The following CIAO3 variants were observed in gnomAD, a reference collection of about 807,000 sequenced individuals.
The protein encoded by CIAO3 is LET1 like/JFP15.
Under a neutral mutation model 51.5 loss-of-function variants are expected in CIAO3, and 45 were observed. The ratio of observed to expected loss-of-function variants is 0.87; its 90% confidence interval spans 0.69 to 1.12. CIAO3 has a LOEUF of 1.12. Ranked by LOEUF, CIAO3 falls within the 50% of genes most tolerant of loss-of-function variation. CIAO3 has a pLI of 0.00. For synonymous variants in CIAO3, 314 were observed against 269.3 expected, an observed-to-expected ratio of 1.17 and a Z score of -1.63; for missense variants, 668 against 632.5, an observed-to-expected ratio of 1.06 and a Z score of -0.60.
intron 5 of CIAO3, 109 bp downstream of exon 5, chr16:734,628 G>C: frequency 6.3e-7 from 1 of 1,580,992 alleles, no homozygotes; most frequent in South Asian, 1.1e-5. Context: ...CGCAAAACCT[G>C]CTTGCGTCTC....
In CIAO3 at chr16:737,250, G is replaced by T; in HGVS notation, c.242C>A (p.Ala81Glu). ...CTGCTGGGTGATAAGCACGGTCTCT[G>T]CGGAGGTGATGCAGCCGCTGCACGC... is the stretch of plus-strand genomic sequence containing the variant. ...CLACSGCITS[A>E]ETVLITQQSH... The change falls in exon 3 of 11, where the codon GCA (alanine) becomes GAA (glutamate). Residue 81 changes from alanine (A) to glutamate (E), a missense_variant. Transcript: ENST00000251588. The surrounding 1 kb of genome is among the most constrained non-coding windows in gnomAD (Gnocchi z 5.3). The T allele has an allele frequency of 6.2e-7, 1 of 1,613,618 alleles. No individual in the cohort carries two copies. The highest frequency in any genetic ancestry group is 8.5e-7 in the Non-Finnish European group (1 of 1,180,028).
intron 4 of CIAO3, chr16:735,506 G>A (rs993247985): frequency 6.6e-6 from 1 of 152,270 alleles, no homozygotes; most frequent in African/African-American, 2.4e-5. Context: ...TCATCTCTAA[G>A]TAAAAATCTT....
At chr16:736,966 G>A (rs2041345535) in intron 3 of CIAO3, 2 of 598,500 alleles carry the variant, frequency 3.3e-6, no homozygotes, top group South Asian at 4.0e-5. Context: ...GCCCAGTAGG[G>A]GTGTCATTTT....
rs2041286049 is a variant in CIAO3 at position 731,776 on chromosome 16, T to C, written c.897-74A>G. 5 of 1,454,760 alleles carry C rather than the reference T, an allele frequency of 3.4e-6. No individual in the cohort carries two copies. The South Asian group carries it at 5.6e-5, about 16-fold the overall frequency. 90.1% of individuals were successfully genotyped at this position (1,454,760 alleles called of 1,614,324 possible). ...ACCTCCCGAGCAGGGCCTCTGTCCCTCACACATGAGCGTTTGCATTTCCAG... is the reference window on the plus strand; with the variant it reads ...ACCTCCCGAGCAGGGCCTCTGTCCCCCACACATGAGCGTTTGCATTTCCAG... On this transcript the variant is annotated intron_variant, in intron 8 of 10. Transcript: ENST00000251588.
At position 729,930 on chromosome 16, in the gene CIAO3, C is replaced by T. The variant is rs74002869; in HGVS notation, c.*487G>A. 0.053 allele frequency: 18,495 copies of T among 350,168 alleles called. 3,374 individuals carry two copies. Among genetic ancestry groups the T allele is most frequent in the African/African-American group, 0.38 (17,295 of 45,748 alleles). 21.7% of individuals were successfully genotyped at this position (350,168 alleles called of 1,614,324 possible). ...TGCTTTCCAGGGGCCTGGCACCCCC[C>T]CCTGCCAGGGTCCACACGCAGGGTT... On this transcript the variant is annotated 3_prime_UTR_variant, in exon 11 of 11. Transcript: ENST00000251588.
intron 1 of CIAO3, chr16:740,309 T>A (rs1323054051): frequency 2.8e-6 from 1 of 354,668 alleles, no homozygotes; most frequent in Non-Finnish European, 5.6e-6. Context: ...AAAGGGCGCC[T>A]GCAGCCTCCC....
At position 730,431 on chromosome 16, in the gene CIAO3, C is replaced by T; in HGVS notation, c.1417G>A (p.Gly473Ser). ...HAVEKASTGL[G>S]IRW ...TCCTGCAGCCCCTACCACCGGATGC[C>T]CAGGCCAGTGCTGGCCTTCTCCACG... Residue 473 changes from glycine (G) to serine (S), a missense_variant, in exon 11 of 11, where the codon GGC becomes AGC. Gly to Ser is a moderately conservative substitution (Grantham distance 56, BLOSUM62 0). Transcript: ENST00000251588. The T allele has an allele frequency of 1.9e-6, 3 of 1,602,896 alleles. No homozygotes were observed. The East Asian group carries it at 6.7e-5, about 36-fold the overall frequency.
chr16:729,892 T>A lies in CIAO3; in HGVS notation c.*525A>T. The A allele has an allele frequency of 2.6e-6, 1 of 387,822 alleles. No individual in the cohort carries two copies. The allele number at this position is 387,822 out of a possible 1,614,324, so 24.0% of individuals were successfully genotyped here. A position where few individuals can be genotyped will look rare whatever the true frequency, so the allele number is the denominator to read the frequency against. ...TGGCTTGCCCCGGACCACAGCCTCG[T>A]AACGGTAACCCCTGCTTTCCAGGGG... On this transcript the variant is annotated 3_prime_UTR_variant, in exon 11 of 11. Coordinates refer to ENST00000251588, the MANE Select transcript of CIAO3 (RefSeq NM_022493.3).
intron 2 of CIAO3, among the ~76,000 whole-genome samples, chr16:739,166 G>T (rs1596676179): frequency 6.6e-6 from 1 of 151,828 alleles, no homozygotes; most frequent in East Asian, 2.0e-4. Flanking sequence ...GGGCGTGGTG[G>T]TGGCCGCCTG....
chr16:732,574 GT>G (rs2151600875), intron 7 of CIAO3: 1 of 679,744 alleles, frequency 1.5e-6, no homozygotes. Context: ...GCCCAGGGAG[GT>G]GTGCCAGCGG....
rs1029577846 is a variant in CIAO3 at position 736,316 on chromosome 16, A to G, written c.389T>C (p.Leu130Pro). 6.2e-7 allele frequency: 1 copy of G among 1,612,926 alleles called. No individual in the cohort carries two copies. Among genetic ancestry groups the G allele is most frequent in the Non-Finnish European group, 8.5e-7 (1 of 1,179,822 alleles). Residue 130 changes from leucine (L) to proline (P), a missense_variant, in exon 4 of 11, where the codon CTG (leucine) becomes CCG (proline). By Grantham distance (98) the Leu-to-Pro change is moderately conservative. Coordinates refer to ENST00000251588, the MANE Select transcript of CIAO3 (RefSeq NM_022493.3). ...TTTCCTGGCAGTATCTGTAGGATTC[A>G]GCTGAAACCGTGCAGCCAGCGATGC... Reference protein sequence around the residue: ...SRASLAARFQLNPTDTARKLT... With the variant: ...SRASLAARFQPNPTDTARKLT...
In CIAO3 at chr16:740,994, C is replaced by T; in HGVS notation, c.-9G>A. On this transcript the variant is annotated 5_prime_UTR_variant, in exon 1 of 11. Coordinates refer to ENST00000251588, the MANE Select transcript of CIAO3 (RefSeq NM_022493.3). ...CTGAAGGGCGACGCCATGACGGCCG[C>T]ACTGCCGCCGCGCGCAGGTGTCGCT... 6.7e-7 allele frequency: 1 copy of T among 1,497,292 alleles called. No individual in the cohort carries two copies. Among genetic ancestry groups the T allele is most frequent in the Non-Finnish European group, 8.9e-7 (1 of 1,126,212 alleles). 92.8% of individuals were successfully genotyped at this position (1,497,292 alleles called of 1,614,324 possible). A position where few individuals can be genotyped will look rare whatever the true frequency, so the allele number is the denominator to read the frequency against.
In CIAO3 at chr16:734,273, G is replaced by T; in HGVS notation, c.649C>A (p.Gln217Lys). ...TCCTTGACCAGGGAGCCCATGACCT[G>T]CTGCGGGGACCGGGCGGTGCTGATG... ...PHISTARSPQQVMGSLVKDFF... is the reference protein window; with the variant it reads ...PHISTARSPQKVMGSLVKDFF... Residue 217 changes from glutamine to lysine, a missense_variant, in exon 6 of 11, where the codon CAG becomes AAG. Coordinates refer to ENST00000251588, the MANE Select transcript of CIAO3 (RefSeq NM_022493.3). 1 of 1,612,028 alleles carries T rather than the reference G, an allele frequency of 6.2e-7. No individual in the cohort carries two copies.
intron 7 of CIAO3, 124 bp downstream of exon 7, chr16:733,174 G>A (rs2041302971): frequency 3.1e-6 from 4 of 1,281,272 alleles, no homozygotes; most frequent in African/African-American, 3.0e-5. Context: ...GTGCACGCAT[G>A]CGAGCCCCCA....
In CIAO3 at chr16:731,680, C is replaced by A; in HGVS notation, c.919G>T (p.Glu307Ter). ...DSLCSGASAEEPTSHRGGGSG... is the reference protein window; with the variant it reads ...DSLCSGASAE The stretch of plus-strand genomic sequence containing the variant: ...CCCCCTCCCCGATGGCTGGTGGGCT[C>A]CTCTGCAGAGGCACCGCTGCACCTG... Residue 307 changes from glutamate (E) to a stop codon, truncating the protein, a stop_gained, in exon 9 of 11, where the codon GAG (glutamate) becomes TAG (stop). Coordinates refer to ENST00000251588, the MANE Select transcript of CIAO3 (RefSeq NM_022493.3). LOFTEE classifies it high-confidence loss of function. 6.4e-7 allele frequency: 1 copy of A among 1,557,938 alleles called. No individual in the cohort carries two copies. Among genetic ancestry groups the A allele is most frequent in the Non-Finnish European group, 8.7e-7 (1 of 1,152,884 alleles).
Position 730,426 on chromosome 16 carries a change from G to A in CIAO3, c.1422C>T (p.Ile474=). ...AVEKASTGLG[I]RW is the part of the protein sequence containing the mutation. ...CCTGGTCCTGCAGCCCCTACCACCG[G>A]ATGCCCAGGCCAGTGCTGGCCTTCT... Residue 474 remains isoleucine, a synonymous_variant, in exon 11 of 11, where the codon ATC becomes ATT. Coordinates refer to ENST00000251588, the MANE Select transcript of CIAO3 (RefSeq NM_022493.3). 6.2e-7 allele frequency: 1 copy of A among 1,602,056 alleles called. No homozygotes were observed. The highest frequency in any genetic ancestry group is 8.5e-7 in the Non-Finnish European group (1 of 1,179,702).
Position 730,538 on chromosome 16 carries a change from C to T in CIAO3, c.1310G>A (p.Gly437Glu). 6.2e-7 allele frequency: 1 copy of T among 1,610,936 alleles called. No homozygotes were observed. Among genetic ancestry groups the T allele is most frequent in the Non-Finnish European group, 8.5e-7 (1 of 1,179,998 alleles). Reference protein sequence around the residue: ...VRAEAPEDAPGVQELYTHWLQ... With the variant: ...VRAEAPEDAPEVQELYTHWLQ... The stretch of plus-strand genomic sequence containing the variant: ...CCAGTGTGTGTACAGCTCCTGAACC[C>T]CAGGCGCGTCCTCGGGCGCCTCAGC... Residue 437 changes from glycine (G) to glutamate (E), a missense_variant, in exon 11 of 11, where the codon GGG becomes GAG. Physicochemically the swap from Gly to Glu is moderately conservative, Grantham distance 98. Coordinates refer to ENST00000251588, the MANE Select transcript of CIAO3 (RefSeq NM_022493.3).
intron 8 of CIAO3, 190 bp from the exon 9 acceptor site, chr16:731,892 G>A (rs918666740): frequency 9.4e-6 from 7 of 746,938 alleles, no homozygotes; most frequent in Admixed American, 3.2e-5. Context: ...TTTTTGAGAC[G>A]GAGTCTTGCT....
chr16:731,236 C>G (rs1354535404), intron 9 of CIAO3: 2 of 637,198 alleles, frequency 3.1e-6, no homozygotes, highest in Admixed American at 3.0e-5. Context: ...GGCCTCCCTC[C>G]CCAGGGATGT....
Sources: allele counts gnomAD v4.1 joint callset (sites outside exome capture counted in the v4.1 genomes callset), GRCh38; gene constraint gnomAD v4.1.1; non-coding constraint Gnocchi (gnomAD v3.1); transcripts MANE v1.5; gene names NCBI Gene and HGNC (gene_info 2026-07-23, HGNC 2026-07-21).